LZTS2: variants seen among roughly 807,000 people sequenced by gnomAD.
LZTS2 encodes the protein leucine zipper tumor suppressor 2.
Under a neutral mutation model 60.6 loss-of-function variants are expected in LZTS2, and 32 were observed. The observed-to-expected ratio is 0.53, with a 90% confidence interval of 0.40 to 0.71. The LOEUF (loss-of-function observed/expected upper bound fraction) is 0.71, where lower values mean the gene tolerates loss of function less well. LZTS2 is among the 30% of genes least tolerant of loss of function. LZTS2 has a pLI of 0.00. For synonymous variants in LZTS2, 360 were observed against 393.1 expected, an observed-to-expected ratio of 0.92 and a Z score of 1.00; for missense variants, 792 against 901.9, an observed-to-expected ratio of 0.88 and a Z score of 1.56.
At chr10:100,997,542 CAG>C (rs1424320465), upstream of LZTS2, among the ~76,000 whole-genome samples, 4 of 152,172 alleles carry the variant, frequency 2.6e-5, no homozygotes, top group Admixed American at 6.5e-5. Flanking sequence ...CGCGGACCCA[CAG>C]CGGGCAGGGC....
exon 3 of LZTS2, chr10:101,005,498 A>G (rs1226172297): frequency 6.3e-7 from 1 of 1,582,680 alleles, no homozygotes; most frequent in Non-Finnish European, 8.6e-7. Context: ...CGAGAGCGTG[A>G]GGCCCTGCGA....
chr10:101,006,763 C>A, exon 4 of LZTS2: 5 of 1,570,648 alleles, frequency 3.2e-6, no homozygotes, highest in Non-Finnish European at 4.3e-6. Flanking sequence ...CTGAGGCGGC[C>A]GGACTCCGGG....
At position 101,006,816 on chromosome 10, in the gene LZTS2, CAG is replaced by C. The variant is rs1852221380; in HGVS notation, c.1663_1664del (p.Ser555Ter). On this transcript the variant is annotated frameshift_variant, in exon 4 of 4. Transcript: ENST00000370220. LOFTEE classifies it high-confidence loss of function. ...GCCACCGCTGACCCATTCCTCCTGG[CAG>C]AGAGTGATGAGGCCAAAGTGCAGCG... The C allele has an allele frequency of 1.9e-6, 3 of 1,543,904 alleles. No homozygotes were observed. The highest frequency in any genetic ancestry group is 2.6e-6 in the Non-Finnish European group (3 of 1,143,152).
exon 4 of LZTS2, chr10:101,006,991 C>T (rs1317139015): frequency 1.3e-6 from 2 of 1,558,252 alleles, no homozygotes; most frequent in Admixed American, 3.9e-5. Context: ...AGCAGGTGAT[C>T]CGCTACCAGA....
At chr10:101,003,116 T>G (rs1468799609) in intron 1 of LZTS2, 170 bp downstream of exon 2, 2 of 831,192 alleles carry the variant, frequency 2.4e-6, no homozygotes, top group Non-Finnish European at 1.8e-6. Context: ...GGAAGTCACT[T>G]AACCTGAGCC....
chr10:101,006,576 C>T, exon 4 of LZTS2: 1 of 1,610,760 alleles, frequency 6.2e-7, no homozygotes, highest in Non-Finnish European at 8.5e-7. Context: ...GAGCTGGTGG[C>T]TCTGCGGGTG....
intron 1 of LZTS2, 148 bp downstream of exon 2, chr10:101,003,094 G>A: frequency 9.6e-7 from 1 of 1,042,136 alleles, no homozygotes; most frequent in Non-Finnish European, 1.3e-6. Flanking sequence ...CATTCTGGAT[G>A]TGTGACCTCA....
chr10:101,002,835 A>AC lies in LZTS2; in HGVS notation c.303dup (p.Ser102GlnfsTer5), dbSNP rs1460451498. On this transcript the variant is annotated frameshift_variant, in exon 1 of 4. Transcript: ENST00000370220. LOFTEE classifies it high-confidence loss of function. ...TCAATGAGGACTTCCGGACAGAGTC[A>AC]CCCCCCAGCCCAAGCAGTGATGTTG... 2 of 1,613,688 alleles carry AC rather than the reference A, an allele frequency of 1.2e-6. No individual in the cohort carries two copies. The highest frequency in any genetic ancestry group is 8.5e-7 in the Non-Finnish European group (1 of 1,179,974).
chr10:101,003,460 C>T (rs1807032306), intron 1 of LZTS2, 47 bp from the exon 3 acceptor site: 2 of 1,506,224 alleles, frequency 1.3e-6, no homozygotes. Context: ...AAGGGCTCTG[C>T]AAGATTGGGC....
At chr10:101,003,299 A>AT in intron 1 of LZTS2, 1 of 544,910 alleles carries the variant, frequency 1.8e-6, no homozygotes, top group Non-Finnish European at 3.1e-6. Context: ...CATCTGTAAT[A>AT]TGGGGATAGT....
chr10:100,999,869 G>GCCGGGT (rs1851993879), exon 1 of LZTS2: 2 of 149,706 alleles, frequency 1.3e-5, no homozygotes, highest in African/African-American at 4.9e-5. Context: ...CGGGGCCGGG[G>GCCGGGT]CCGGAGCCGG....
At chr10:101,006,879 A>G in exon 4 of LZTS2, 1 of 1,532,522 alleles carries the variant, frequency 6.5e-7, no homozygotes, top group Non-Finnish European at 8.8e-7. Flanking sequence ...TTGCGGGCCC[A>G]GGTGGAGCGA....
Position 101,003,350 on chromosome 10 carries a change from TGACACAAA to T in LZTS2, c.409-155_409-148del, listed in dbSNP as rs557300018. Among the ~76,000 whole-genome samples the T allele has an allele frequency of 4.6e-5, 7 of 152,230 alleles. No homozygotes were observed. In the South Asian group the frequency reaches 1.5e-3, roughly 32 times the overall value. On this transcript the variant is annotated intron_variant, in intron 1 of 3. Transcript: ENST00000370220. Reference sequence around the variant, plus strand: ...ATGGAGATAAACTTTTCAAATTGCTTGACACAAAGCTGACACTGGTGGCCACCTCCACC... The same window carrying T: ...ATGGAGATAAACTTTTCAAATTGCTTGCTGACACTGGTGGCCACCTCCACC...
chr10:101,006,482 C>G lies in LZTS2; in HGVS notation c.1327-3C>G, dbSNP rs903337888. ...ATCCTTCCCCACTTCCTCCCACCCC[C>G]AGGTGTGCCAGAAATCAGGCGAGAT... On this transcript the variant is annotated splice_polypyrimidine_tract_variant and splice_region_variant and intron_variant, in intron 3 of 3. Coordinates refer to ENST00000370220, the Ensembl canonical transcript of LZTS2. The G allele has an allele frequency of 6.2e-7, 1 of 1,606,432 alleles. No individual in the cohort carries two copies. Among genetic ancestry groups the G allele is most frequent in the South Asian group, 1.1e-5 (1 of 90,298 alleles).
chr10:101,004,009 G>A (rs763153023), exon 2 of LZTS2: 35 of 1,613,060 alleles, frequency 2.2e-5, no homozygotes. Context: ...TCCCCTGACA[G>A]CAGCTCCTGT....
exon 1 of LZTS2, chr10:101,001,227 A>G (rs948574828): frequency 6.6e-6 from 1 of 152,220 alleles, no homozygotes; most frequent in Non-Finnish European, 1.5e-5. Flanking sequence ...TCTCCCACAC[A>G]CCACAAATTC....
chr10:101,005,522 CCCAGGCACA>C, exon 3 of LZTS2: 1 of 1,605,214 alleles, frequency 6.2e-7, no homozygotes, highest in Middle Eastern at 1.7e-4. Flanking sequence ...GACTGTGCGG[CCCAGGCACA>C]GCGGGCACAG....
At position 101,003,394 on chromosome 10, in the gene LZTS2, ATTG is replaced by A. The variant is rs1417077036; in HGVS notation, c.409-110_409-108del. The A allele has an allele frequency of 2.6e-6, 3 of 1,153,668 alleles. No individual in the cohort carries two copies. In the East Asian group the frequency reaches 7.5e-5, roughly 29 times the overall value. 71.5% of individuals were successfully genotyped at this position (1,153,668 alleles called of 1,614,324 possible). Reference sequence around the variant, plus strand: ...GTGGCCACCTCCACCAGTGGCCGCAATTGTTATGAATATATGGGCACTGGGGAC... The same window carrying A: ...GTGGCCACCTCCACCAGTGGCCGCAATTATGAATATATGGGCACTGGGGAC... On this transcript the variant is annotated intron_variant, in intron 1 of 3. Coordinates refer to ENST00000370220, the Ensembl canonical transcript of LZTS2.
chr10:101,003,529 G>T, exon 2 of LZTS2: 8 of 1,523,264 alleles, frequency 5.3e-6, no homozygotes, highest in Non-Finnish European at 7.0e-6. Context: ...ATCCTGATCC[G>T]CCCAACAGCC....
Sources: gnomAD v4.1 joint callset for allele counts (sites outside exome capture counted in the v4.1 genomes callset) on GRCh38, gnomAD v4.1.1 for gene constraint, MANE v1.5 for transcripts, NCBI Gene and HGNC (gene_info 2026-07-23, HGNC 2026-07-21) for gene names.